The following INPP4B variants were observed in gnomAD, a reference collection of about 807,000 sequenced individuals.
The protein encoded by INPP4B is inositol polyphosphate-4-phosphatase type II B, also known as inositol polyphosphate 4-phosphatase type II.
A neutral mutation model predicts 122.5 loss-of-function variants in INPP4B; 55 were observed. The ratio of observed to expected loss-of-function variants is 0.45; its 90% CI spans 0.36 to 0.56. The LOEUF is 0.56. Ranked by LOEUF, INPP4B falls within the 20% of genes least tolerant of loss-of-function variation. The pLI is 0.00. For synonymous variants in INPP4B, 403 were observed against 388.7 expected (o/e 1.04, Z -0.43); for missense variants, 1,000 against 1,097.7 (o/e 0.91, Z 1.26).
intron 7 of INPP4B, among the ~76,000 whole-genome samples, chr4:142,326,810 T>C (rs1374256337): frequency 6.6e-6 from 1 of 150,944 alleles, no homozygotes; most frequent in Admixed American, 6.6e-5. Context: ...AGGGCATGTC[T>C]TTTTTTACTT....
At chr4:142,638,458 G>T (rs527674541) in intron 2 of INPP4B, among the ~76,000 whole-genome samples, 1 of 151,760 alleles carries the variant, frequency 6.6e-6, no homozygotes, top group South Asian at 2.1e-4. Context: ...CCATTGTATT[G>T]CCTTTGTTCC....
intron 1 of INPP4B, among the ~76,000 whole-genome samples, chr4:142,760,979 C>G (rs1771250175): frequency 6.6e-6 from 1 of 152,138 alleles, no homozygotes; most frequent in African/African-American, 2.4e-5. Flanking sequence ...CCTGGTCTCA[C>G]CCACTAATAT....
chr4:142,775,036 G>A (rs537214542), intron 1 of INPP4B, among the ~76,000 whole-genome samples: 2 of 152,092 alleles, frequency 1.3e-5, no homozygotes, highest in South Asian at 4.2e-4. Context: ...GTATTTTGTA[G>A]AATGTCTTTC....
At chr4:142,775,443 T>A (rs188399627) in intron 1 of INPP4B, among the ~76,000 whole-genome samples, 201 of 152,260 alleles carry the variant, frequency 1.3e-3, no homozygotes, top group African/African-American at 4.8e-3. Context: ...TATGGATATG[T>A]TGAGTATCCT....
intron 2 of INPP4B, among the ~76,000 whole-genome samples, chr4:142,523,249 C>T (rs531059919): frequency 6.6e-6 from 1 of 152,082 alleles, no homozygotes; most frequent in African/African-American, 2.4e-5. Context: ...TGTGGACCAA[C>T]AATTCATGTT....
intron 7 of INPP4B, among the ~76,000 whole-genome samples, chr4:142,331,907 TG>T (rs201663701): frequency 4.8e-5 from 1 of 20,764 alleles, no homozygotes; most frequent in African/African-American, 1.7e-4. Context: ...ACCACAAAGC[TG>T]GGGGGGTGGG....
At chr4:142,335,031 T>G (rs1273764328) in intron 7 of INPP4B, among the ~76,000 whole-genome samples, 1 of 149,702 alleles carries the variant, frequency 6.7e-6, no homozygotes, top group African/African-American at 2.5e-5. Context: ...AATTCTGGCC[T>G]TCTAAGACCT....
rs548031819 is a variant in INPP4B, at chr4:142,478,453, T to A, written c.-190-15727A>T. Among the ~76,000 whole-genome samples the A allele has an allele frequency of 7.2e-5, 11 of 152,312 alleles. No individual in the cohort carries two copies. In the South Asian group the frequency reaches 2.3e-3, roughly 32 times the overall value. On this transcript the variant is annotated intron_variant, in intron 2 of 25. Transcript: ENST00000262992. ...TAGGTATTATTTTATTATTTTTAGG[T>A]ATATTCCTTCAATGCCTAGTTGGTT...
At chr4:142,484,008 G>A (rs1285868974) in intron 2 of INPP4B, among the ~76,000 whole-genome samples, 1 of 151,864 alleles carries the variant, frequency 6.6e-6, no homozygotes, top group African/African-American at 2.4e-5. Context: ...TTCCTGTCCT[G>A]GGATATCATG....
intron 15 of INPP4B, among the ~76,000 whole-genome samples, chr4:142,183,193 C>T (rs1328526999): frequency 6.6e-6 from 1 of 152,226 alleles, no homozygotes; most frequent in East Asian, 1.9e-4. Flanking sequence ...GGGTTCTTAC[C>T]TCCACTCCTA....
intron 2 of INPP4B, among the ~76,000 whole-genome samples, chr4:142,481,819 T>C (rs1820584799): frequency 1.3e-5 from 2 of 152,214 alleles, no homozygotes; most frequent in South Asian, 4.1e-4. Context: ...TAGTATTAAC[T>C]AGCTATTGAG....
rs1736991736 is a variant in INPP4B, at chr4:142,026,334, T to TG, written c.*2447dup. 1 of 152,226 alleles carries TG rather than the reference T, an allele frequency of 6.6e-6. No individual in the cohort carries two copies. The highest frequency in any genetic ancestry group is 1.5e-5 in the Non-Finnish European group (1 of 68,034). 9.4% of individuals were successfully genotyped at this position (152,226 alleles called of 1,614,324 possible). On this transcript the variant is annotated 3_prime_UTR_variant, in exon 26 of 26. Coordinates refer to ENST00000262992, the MANE Select transcript of INPP4B (RefSeq NM_001101669.3). Reference sequence around the variant, plus strand: ...GTCTCTATGAAACACATTTTCTTGATGAAATCCACTTTTAGAAGTTTGCAC... The same window carrying TG: ...GTCTCTATGAAACACATTTTCTTGATGGAAATCCACTTTTAGAAGTTTGCAC...
intron 23 of INPP4B, 134 bp downstream of exon 23, chr4:142,107,959 G>T (rs1478346922): frequency 8.7e-6 from 5 of 576,772 alleles, no homozygotes; most frequent in Non-Finnish European, 1.5e-5. Context: ...AGTCTTTTTG[G>T]ATCAGATAAT....
intron 1 of INPP4B, among the ~76,000 whole-genome samples, chr4:142,784,606 A>G (rs149538539): frequency 1.3e-5 from 2 of 152,160 alleles, no homozygotes; most frequent in East Asian, 3.9e-4. Context: ...TGGAGGATAC[A>G]TGCAGGTTAG....
intron 25 of INPP4B, among the ~76,000 whole-genome samples, chr4:142,078,381 T>G (rs1772000226): frequency 6.6e-6 from 1 of 152,078 alleles, no homozygotes; most frequent in Non-Finnish European, 1.5e-5. Flanking sequence ...CTTCATATGC[T>G]TAATTTAAAA....
intron 2 of INPP4B, among the ~76,000 whole-genome samples, chr4:142,615,442 G>A (rs1441500066): frequency 6.6e-6 from 1 of 152,174 alleles, no homozygotes; most frequent in East Asian, 1.9e-4. Context: ...CAAATTTGGA[G>A]TCAGCAGAAA....
At chr4:142,545,794 T>G (rs1829548523) in intron 2 of INPP4B, among the ~76,000 whole-genome samples, 1 of 88,388 alleles carries the variant, frequency 1.1e-5, no homozygotes, top group South Asian at 4.5e-4. Flanking sequence ...TATATATGTG[T>G]GTATATATAT....
intron 2 of INPP4B, among the ~76,000 whole-genome samples, chr4:142,592,671 A>T (rs934451292): frequency 2.6e-5 from 4 of 152,196 alleles, no homozygotes; most frequent in African/African-American, 7.2e-5. Context: ...GAACTTAGGC[A>T]GTCATCATTT....
At chr4:142,499,907 A>G (rs74418709) in intron 2 of INPP4B, among the ~76,000 whole-genome samples, 5,198 of 152,208 alleles carry the variant, frequency 0.034, 333 homozygotes, top group African/African-American at 0.12. Context: ...TCAAAACCCT[A>G]TCACTATCAC....
Sources: gnomAD v4.1 joint callset for allele counts (sites outside exome capture counted in the v4.1 genomes callset) on GRCh38, gnomAD v4.1.1 for gene constraint, MANE v1.5 for transcripts, NCBI Gene and HGNC (gene_info 2026-07-23, HGNC 2026-07-21) for gene names.